The following PBOV1 variants were observed in gnomAD, a reference collection of about 807,000 sequenced individuals.
PBOV1 encodes the protein prostate and breast cancer overexpressed 1, also known as prostate and breast cancer overexpressed gene 1 protein.
For synonymous variants in PBOV1, 46 were observed against 55.9 expected, an observed-to-expected ratio of 0.82 and a Z score of 0.79; for missense variants, 147 against 151.4, an observed-to-expected ratio of 0.97 and a Z score of 0.15.
chr6:138,217,967 C>T lies in PBOV1; in HGVS notation c.*21G>A. 2 of 1,572,356 alleles carry T rather than the reference C, an allele frequency of 1.3e-6. No homozygotes were observed. The highest frequency in any genetic ancestry group is 1.2e-5 in the South Asian group (1 of 83,596). On this transcript the variant is annotated 3_prime_UTR_variant, in exon 1 of 1. Coordinates refer to ENST00000527246, the MANE Select transcript of PBOV1 (RefSeq NM_021635.3). ...AACCATTTTTATTTTTCTGGAAAGG[C>T]TTTGCAGCAGGGCTGAGAGTTTATA... is the stretch of plus-strand genomic sequence containing the variant.
At position 138,215,987 on chromosome 6, in the gene PBOV1, T is replaced by C. The variant is rs1777842862; in HGVS notation, c.*2001A>G. 1 of 151,676 alleles carries C rather than the reference T, an allele frequency of 6.6e-6. No individual in the cohort carries two copies. Among genetic ancestry groups the C allele is most frequent in the Non-Finnish European group, 1.5e-5 (1 of 68,070 alleles). 9.4% of individuals were successfully genotyped at this position (151,676 alleles called of 1,614,324 possible). Reference sequence around the variant, plus strand: ...TGGTTTTTTGTTGTTGTTGTTTTTTTTTTTGGGTGGGGGGGAGTTTTACTC... The same window carrying C: ...TGGTTTTTTGTTGTTGTTGTTTTTTCTTTTGGGTGGGGGGGAGTTTTACTC... On this transcript the variant is annotated 3_prime_UTR_variant, in exon 1 of 1. Coordinates refer to ENST00000527246, the MANE Select transcript of PBOV1 (RefSeq NM_021635.3).
rs2114512002 is a variant in PBOV1, at chr6:138,217,624, T to C, written c.*364A>G. 1 of 188,100 alleles carries C rather than the reference T, an allele frequency of 5.3e-6. No individual in the cohort carries two copies. The highest frequency in any genetic ancestry group is 1.4e-4 in the South Asian group (1 of 6,956). The allele number at this position is 188,100 out of a possible 1,614,324, so 11.7% of individuals were successfully genotyped here. A position where few individuals can be genotyped will look rare whatever the true frequency, so the allele number is the denominator to read the frequency against. On this transcript the variant is annotated 3_prime_UTR_variant, in exon 1 of 1. Coordinates refer to ENST00000527246, the MANE Select transcript of PBOV1 (RefSeq NM_021635.3). ...AAAATTAGTGGTATACTATAAGTATTGTTTTTATCCCTCTGGTGCCTAGCG... is the reference window on the plus strand; with the variant it reads ...AAAATTAGTGGTATACTATAAGTATCGTTTTTATCCCTCTGGTGCCTAGCG...
In PBOV1 at chr6:138,216,619, T is replaced by A. The variant is rs1777867919; in HGVS notation, c.*1369A>T. On this transcript the variant is annotated 3_prime_UTR_variant, in exon 1 of 1. Transcript: ENST00000527246. ...GCATTTGGTCTTCTAGAGTTCCTTT[T>A]GGAAAGAATGTGATCATTAGTGAAG... is the stretch of plus-strand genomic sequence containing the variant. The A allele has an allele frequency of 6.6e-6, 1 of 152,200 alleles. No individual in the cohort carries two copies. Among genetic ancestry groups the A allele is most frequent in the Admixed American group, 6.5e-5 (1 of 15,280 alleles). 9.4% of individuals were successfully genotyped at this position (152,200 alleles called of 1,614,324 possible). A position where few individuals can be genotyped will look rare whatever the true frequency, so the allele number is the denominator to read the frequency against.
rs1340552503 is a variant in PBOV1 at position 138,218,015 on chromosome 6, G to T, written c.381C>A (p.Ser127=). ...LGLECCLLYL[S]KTIHPQII ...ATATGATCTGTGGATGTATAGTTTT[G>T]GATAAGTAGAGAAGACAGCATTCCA... The change falls in exon 1 of 1, where the codon TCC becomes TCA. Residue 127 remains serine, a synonymous_variant. Coordinates refer to ENST00000527246, the MANE Select transcript of PBOV1 (RefSeq NM_021635.3). The T allele has an allele frequency of 6.2e-7, 1 of 1,612,448 alleles. No homozygotes were observed. The highest frequency in any genetic ancestry group is 8.5e-7 in the Non-Finnish European group (1 of 1,179,000).
In PBOV1 at chr6:138,217,952, A is replaced by G. The variant is rs1234228005; in HGVS notation, c.*36T>C. The G allele has an allele frequency of 8.1e-5, 125 of 1,549,478 alleles. No homozygotes were observed. The highest frequency in any genetic ancestry group is 1.0e-4 in the Non-Finnish European group (120 of 1,148,812). ...CAGAATTGCCTTTTCAACCATTTTT[A>G]TTTTTCTGGAAAGGCTTTGCAGCAG... On this transcript the variant is annotated 3_prime_UTR_variant, in exon 1 of 1. Transcript: ENST00000527246.
rs774630423 is a variant in PBOV1 at position 138,218,095 on chromosome 6, A to G, written c.301T>C (p.Ser101Pro). 1 of 1,613,974 alleles carries G rather than the reference A, an allele frequency of 6.2e-7. No individual in the cohort carries two copies. Among genetic ancestry groups the G allele is most frequent in the South Asian group, 1.1e-5 (1 of 91,084 alleles). Residue 101 changes from serine to proline, a missense_variant, in exon 1 of 1, where the codon TCT (serine) becomes CCT (proline). Ser to Pro is a moderately conservative substitution (Grantham distance 74). Coordinates refer to ENST00000527246, the MANE Select transcript of PBOV1 (RefSeq NM_021635.3). ...AATGTGAATAATATGGCTTCTGAAG[A>G]TAATGAGGAACATTTCATTGAGGAA... ...KGSSMKCSSL[S>P]SEAILFTLTL... is the part of the protein sequence containing the mutation.
In PBOV1 at chr6:138,216,854, A is replaced by G. The variant is rs917593329; in HGVS notation, c.*1134T>C. The G allele has an allele frequency of 6.6e-6, 1 of 152,242 alleles. No homozygotes were observed. The highest frequency in any genetic ancestry group is 1.5e-5 in the Non-Finnish European group (1 of 68,038). 9.4% of individuals were successfully genotyped at this position (152,242 alleles called of 1,614,324 possible). ...TGCAAACATATTGTTTGTGCAGTTA[A>G]TGCAGGGAAGTGTCTAAAATATGTG... On this transcript the variant is annotated 3_prime_UTR_variant, in exon 1 of 1. Transcript: ENST00000527246.
rs938189569 is a variant in PBOV1 at position 138,217,972 on chromosome 6, C to T, written c.*16G>A. The T allele has an allele frequency of 6.3e-7, 1 of 1,581,050 alleles. No individual in the cohort carries two copies. The highest frequency in any genetic ancestry group is 1.4e-5 in the African/African-American group (1 of 73,806). On this transcript the variant is annotated 3_prime_UTR_variant, in exon 1 of 1. Transcript: ENST00000527246. ...TTTTTATTTTTCTGGAAAGGCTTTG[C>T]AGCAGGGCTGAGAGTTTATATGATC...
At position 138,217,873 on chromosome 6, in the gene PBOV1, A is replaced by T; in HGVS notation, c.*115T>A. On this transcript the variant is annotated 3_prime_UTR_variant, in exon 1 of 1. Transcript: ENST00000527246. ...CATCATCAAATTCTTTTCATAAGTA[A>T]ATTGAAGTTGGAATGGTTCAGTTAC... 7 of 1,368,372 alleles carry T rather than the reference A, an allele frequency of 5.1e-6. No homozygotes were observed. Among genetic ancestry groups the T allele is most frequent in the Non-Finnish European group, 6.8e-6 (7 of 1,022,496 alleles). The allele number at this position is 1,368,372 out of a possible 1,614,324, so 84.8% of individuals were successfully genotyped here.
Position 138,215,990 on chromosome 6 carries a change from T to C in PBOV1, c.*1998A>G, listed in dbSNP as rs1051189474. 6.6e-6 allele frequency: 1 copy of C among 151,590 alleles called. No individual in the cohort carries two copies. Among genetic ancestry groups the C allele is most frequent in the African/African-American group, 2.4e-5 (1 of 41,204 alleles). 9.4% of individuals were successfully genotyped at this position (151,590 alleles called of 1,614,324 possible). A position where few individuals can be genotyped will look rare whatever the true frequency, so the allele number is the denominator to read the frequency against. Reference sequence around the variant, plus strand: ...TTTTTTGTTGTTGTTGTTTTTTTTTTTGGGTGGGGGGGAGTTTTACTCCTG... The same window carrying C: ...TTTTTTGTTGTTGTTGTTTTTTTTTCTGGGTGGGGGGGAGTTTTACTCCTG... On this transcript the variant is annotated 3_prime_UTR_variant, in exon 1 of 1. Transcript: ENST00000527246.
Position 138,218,319 on chromosome 6 carries a change from C to T in PBOV1, c.77G>A (p.Arg26Lys). The part of the protein sequence containing the change: ...IIHILQIRKL[R>K]HRLSNFPRLP... ...CCTTGGGAAGTTACTTAATCTGTGC[C>T]TCAATTTTCTGATCTGTAAAATGTG... The change falls in exon 1 of 1, where the codon AGG (arginine) becomes AAG (lysine). Residue 26 changes from arginine to lysine, a missense_variant. Arg to Lys is a conservative substitution (Grantham distance 26). Coordinates refer to ENST00000527246, the MANE Select transcript of PBOV1 (RefSeq NM_021635.3). 6 of 1,565,054 alleles carry T rather than the reference C, an allele frequency of 3.8e-6. No individual in the cohort carries two copies. Among genetic ancestry groups the T allele is most frequent in the Non-Finnish European group, 5.2e-6 (6 of 1,153,964 alleles).
At chr6:138,218,236 G>A in the PBOV1 span, 137 of 1,612,816 alleles carry the variant, frequency 8.5e-5, no homozygotes, top group Non-Finnish European at 1.0e-4. Flanking sequence ...TCTTTTTTTC[G>A]AAATACCTTG....
rs1777900625 is a variant in PBOV1 at position 138,217,852 on chromosome 6, A to G, written c.*136T>C. On this transcript the variant is annotated 3_prime_UTR_variant, in exon 1 of 1. Transcript: ENST00000527246. The stretch of plus-strand genomic sequence containing the variant: ...TAGAATTGAAATAACCTCCTACATC[A>G]TCAAATTCTTTTCATAAGTAAATTG... 1.6e-6 allele frequency: 2 copies of G among 1,277,424 alleles called. No individual in the cohort carries two copies. The highest frequency in any genetic ancestry group is 3.5e-5 in the South Asian group (2 of 56,760). 79.1% of individuals were successfully genotyped at this position (1,277,424 alleles called of 1,614,324 possible). A position where few individuals can be genotyped will look rare whatever the true frequency, so the allele number is the denominator to read the frequency against.
rs768547108 is a variant in PBOV1, at chr6:138,218,279, T to G, written c.117A>C (p.Leu39=). 1 of 1,603,300 alleles carries G rather than the reference T, an allele frequency of 6.2e-7. No homozygotes were observed. The highest frequency in any genetic ancestry group is 8.5e-7 in the Non-Finnish European group (1 of 1,174,366). Residue 39 remains leucine, a synonymous_variant, in exon 1 of 1, where the codon CTA becomes CTC. Coordinates refer to ENST00000527246, the MANE Select transcript of PBOV1 (RefSeq NM_021635.3). ...LSNFPRLPGI[L]APETVLLPFC... is the part of the protein sequence containing the mutation. ...ATGGTAAGAGCACAGTTTCTGGAGCTAGAATGCCTGGTAGCCTTGGGAAGT... is the reference window on the plus strand; with the variant it reads ...ATGGTAAGAGCACAGTTTCTGGAGCGAGAATGCCTGGTAGCCTTGGGAAGT...
chr6:138,218,187 TC>T, the PBOV1 span: 1 of 1,613,986 alleles, frequency 6.2e-7, no homozygotes, highest in Non-Finnish European at 8.5e-7. Flanking sequence ...TATGGAATAA[TC>T]AATGAACTCT....
rs1218510671 is a variant in PBOV1 at position 138,217,765 on chromosome 6, T to A, written c.*223A>T. The A allele has an allele frequency of 5.1e-6, 3 of 588,096 alleles. No homozygotes were observed. The highest frequency in any genetic ancestry group is 7.8e-6 in the Non-Finnish European group (3 of 385,492). The allele number at this position is 588,096 out of a possible 1,614,324, so 36.4% of individuals were successfully genotyped here. ...CACTAGGATAAATAACAAACTAAATTGAGATAATAGATAATAATCTATGAG... is the reference window on the plus strand; with the variant it reads ...CACTAGGATAAATAACAAACTAAATAGAGATAATAGATAATAATCTATGAG... On this transcript the variant is annotated 3_prime_UTR_variant, in exon 1 of 1. Coordinates refer to ENST00000527246, the MANE Select transcript of PBOV1 (RefSeq NM_021635.3).
In PBOV1 at chr6:138,216,915, C is replaced by T. The variant is rs1480225142; in HGVS notation, c.*1073G>A. The T allele has an allele frequency of 6.6e-6, 1 of 152,238 alleles. No homozygotes were observed. Among genetic ancestry groups the T allele is most frequent in the Non-Finnish European group, 1.5e-5 (1 of 68,040 alleles). The allele number at this position is 152,238 out of a possible 1,614,324, so 9.4% of individuals were successfully genotyped here. A position where few individuals can be genotyped will look rare whatever the true frequency, so the allele number is the denominator to read the frequency against. ...GTAAATGGTTCTCAAACAGCCTTCCCTCTTCCTGCTCATAAGGTTGAGTGA... is the reference window on the plus strand; with the variant it reads ...GTAAATGGTTCTCAAACAGCCTTCCTTCTTCCTGCTCATAAGGTTGAGTGA... On this transcript the variant is annotated 3_prime_UTR_variant, in exon 1 of 1. Transcript: ENST00000527246.
Position 138,217,716 on chromosome 6 carries a change from C to T in PBOV1, c.*272G>A, listed in dbSNP as rs1777896604. The T allele has an allele frequency of 2.7e-6, 1 of 364,884 alleles. No individual in the cohort carries two copies. Among genetic ancestry groups the T allele is most frequent in the Non-Finnish European group, 4.7e-6 (1 of 211,764 alleles). The allele number at this position is 364,884 out of a possible 1,614,324, so 22.6% of individuals were successfully genotyped here. A position where few individuals can be genotyped will look rare whatever the true frequency, so the allele number is the denominator to read the frequency against. On this transcript the variant is annotated 3_prime_UTR_variant, in exon 1 of 1. Transcript: ENST00000527246. ...TTATTGACTAATGGAGAGACAGAAA[C>T]ACATGTGGTAGTTTTTAATGGCCCA... is the stretch of plus-strand genomic sequence containing the variant.
rs867765288 is a variant in PBOV1, at chr6:138,217,851, C to T, written c.*137G>A. On this transcript the variant is annotated 3_prime_UTR_variant, in exon 1 of 1. Transcript: ENST00000527246. ...TTAGAATTGAAATAACCTCCTACAT[C>T]ATCAAATTCTTTTCATAAGTAAATT... 7.9e-7 allele frequency: 1 copy of T among 1,258,348 alleles called. No homozygotes were observed. Among genetic ancestry groups the T allele is most frequent in the South Asian group, 1.8e-5 (1 of 55,344 alleles). 77.9% of individuals were successfully genotyped at this position (1,258,348 alleles called of 1,614,324 possible). A position where few individuals can be genotyped will look rare whatever the true frequency, so the allele number is the denominator to read the frequency against.
Sources: gnomAD v4.1 joint callset for allele counts on GRCh38, gnomAD v4.1.1 for gene constraint, MANE v1.5 for transcripts, NCBI Gene and HGNC (gene_info 2026-07-23, HGNC 2026-07-21) for gene names.